Variants in RASSF9 observed in about 807,000 individuals in gnomAD.
The protein encoded by RASSF9 is Ras association domain family member 9.
Under a neutral mutation model 21.4 loss-of-function variants are expected in RASSF9, and 18 were observed. That is an observed-to-expected ratio of 0.84 (90% CI 0.58 to 1.25). RASSF9 has a LOEUF of 1.25. Among genes scored for constraint, RASSF9 ranks in the 50% most tolerant of loss-of-function variants. The pLI, the probability that RASSF9 is intolerant of heterozygous loss-of-function variation, is 0.00. For missense variants in RASSF9, 480 were observed against 503.2 expected, an observed-to-expected ratio of 0.95 and a Z score of 0.44; for synonymous variants, 183 against 179.1, an observed-to-expected ratio of 1.02 and a Z score of -0.18.
At chr12:85,821,543 G>T (rs555720383) in intron 1 of RASSF9, among the ~76,000 whole-genome samples, 3 of 151,714 alleles carry the variant, frequency 2.0e-5, no homozygotes, top group South Asian at 2.1e-4. Context: ...TTGAAAATTG[G>T]AGTCTTTCAG....
At chr12:85,827,772 C>G (rs994261313) in intron 1 of RASSF9, among the ~76,000 whole-genome samples, 3 of 152,194 alleles carry the variant, frequency 2.0e-5, no homozygotes, top group African/African-American at 7.2e-5. Context: ...TCATTACAGT[C>G]TTAACTAACA....
Position 85,804,460 on chromosome 12 carries a change from G to A in RASSF9, c.*242C>T, listed in dbSNP as rs369014491. The A allele has an allele frequency of 5.0e-6, 2 of 403,908 alleles. No homozygotes were observed. Among genetic ancestry groups the A allele is most frequent in the Admixed American group, 8.0e-5 (2 of 24,914 alleles). 25.0% of individuals were successfully genotyped at this position (403,908 alleles called of 1,614,324 possible). On this transcript the variant is annotated 3_prime_UTR_variant, in exon 2 of 2. Coordinates refer to ENST00000361228, the MANE Select transcript of RASSF9 (RefSeq NM_005447.4). The stretch of plus-strand genomic sequence containing the variant: ...ATGATTCCCATCAAATTATTTCTGT[G>A]TTCTACAACGACAAGCTATTTGTGC...
At chr12:85,815,175 GAAAA>G (rs530228710) in intron 1 of RASSF9, among the ~76,000 whole-genome samples, 1 of 149,412 alleles carries the variant, frequency 6.7e-6, no homozygotes, top group Non-Finnish European at 1.5e-5. Flanking sequence ...GAGAGAGAGA[GAAAA>G]AAAAACCAAA....
At chr12:85,821,465 G>T (rs771924243) in intron 1 of RASSF9, among the ~76,000 whole-genome samples, 3 of 152,076 alleles carry the variant, frequency 2.0e-5, no homozygotes, top group South Asian at 2.1e-4. Context: ...GATAGATAAA[G>T]CATGAAATAT....
At chr12:85,833,828 T>G (rs1880505266) in intron 1 of RASSF9, among the ~76,000 whole-genome samples, 1 of 152,040 alleles carries the variant, frequency 6.6e-6, no homozygotes, top group African/African-American at 2.4e-5. Context: ...TATGTCTGTA[T>G]TTGAAGAATA....
At chr12:85,824,905 A>C (rs1429700698) in intron 1 of RASSF9, among the ~76,000 whole-genome samples, 1 of 151,906 alleles carries the variant, frequency 6.6e-6, no homozygotes, top group African/African-American at 2.4e-5. Context: ...TCTAACTCTT[A>C]CTCTGCTTTA....
chr12:85,816,964 A>T (rs1880082902), intron 1 of RASSF9, among the ~76,000 whole-genome samples: 1 of 152,162 alleles, frequency 6.6e-6, no homozygotes, highest in Non-Finnish European at 1.5e-5. Context: ...TAACTCAAAG[A>T]TGCCAAGTTC....
chr12:85,833,022 T>A (rs914104535), intron 1 of RASSF9, among the ~76,000 whole-genome samples: 2 of 151,910 alleles, frequency 1.3e-5, no homozygotes, highest in Admixed American at 1.3e-4. Flanking sequence ...TTAGGCTTTA[T>A]ATTTAGGCAT....
At position 85,805,202 on chromosome 12, in the gene RASSF9, C is replaced by T; in HGVS notation, c.808G>A (p.Glu270Lys). 1.2e-6 allele frequency: 2 copies of T among 1,613,838 alleles called. No homozygotes were observed. Among genetic ancestry groups the T allele is most frequent in the Non-Finnish European group, 1.7e-6 (2 of 1,179,898 alleles). The change falls in exon 2 of 2, where the codon GAA (glutamate) becomes AAA (lysine). Residue 270 changes from glutamate (E) to lysine (K), a missense_variant. Physicochemically the swap from Glu to Lys is moderately conservative, Grantham distance 56 (BLOSUM62 1). Transcript: ENST00000361228. ...LSESDGIEQL[E>K]ERLKYYRILI... ...ATTCGGTAATATTTCAGTCGTTCTTCCAGCTGTTCAATTCCATCACTTTCG... is the reference window on the plus strand; with the variant it reads ...ATTCGGTAATATTTCAGTCGTTCTTTCAGCTGTTCAATTCCATCACTTTCG...
At position 85,836,222 on chromosome 12, in the gene RASSF9, A is replaced by C. The variant is rs1433980207; in HGVS notation, c.-21T>G. 1.3e-6 allele frequency: 2 copies of C among 1,547,468 alleles called. No homozygotes were observed. The highest frequency in any genetic ancestry group is 4.9e-5 in the East Asian group (2 of 40,788). ...GCCATGGTCTGTCGGGCAAACGAAT[A>C]AAGAAATTATCTTAAAGTGATCTGA... On this transcript the variant is annotated 5_prime_UTR_variant, in exon 1 of 2. Transcript: ENST00000361228.
intron 1 of RASSF9, among the ~76,000 whole-genome samples, chr12:85,827,597 T>A (rs1158840509): frequency 1.3e-5 from 2 of 152,204 alleles, no homozygotes; most frequent in Admixed American, 1.3e-4. Flanking sequence ...ATACTCCATC[T>A]AGGTCCTCAA....
intron 1 of RASSF9, among the ~76,000 whole-genome samples, chr12:85,827,620 C>T (rs967830849): frequency 6.6e-6 from 1 of 152,212 alleles, no homozygotes; most frequent in African/African-American, 2.4e-5. Flanking sequence ...ACATTCCCTA[C>T]TCGTAAGCCC....
At position 85,805,013 on chromosome 12, in the gene RASSF9, G is replaced by GA. The variant is rs1339155515; in HGVS notation, c.996dup (p.His333SerfsTer12). 3 of 1,613,820 alleles carry GA rather than the reference G, an allele frequency of 1.9e-6. No homozygotes were observed. The African/African-American group carries it at 4.0e-5, about 22-fold the overall frequency. On this transcript the variant is annotated frameshift_variant, in exon 2 of 2. Transcript: ENST00000361228. LOFTEE classifies it high-confidence loss of function. ...TTCTGGATGCCACTCAAATGAGAGT[G>GA]AATTTTCAAACCAGCTTTCATGCTT... is the stretch of plus-strand genomic sequence containing the variant.
At chr12:85,822,216 G>A (rs1280246127) in intron 1 of RASSF9, among the ~76,000 whole-genome samples, 1 of 152,174 alleles carries the variant, frequency 6.6e-6, no homozygotes, top group African/African-American at 2.4e-5. Flanking sequence ...ATTTCCTAAT[G>A]ATAATGATTT....
intron 1 of RASSF9, among the ~76,000 whole-genome samples, chr12:85,835,390 T>C (rs1019956371): frequency 9.9e-5 from 15 of 152,138 alleles, no homozygotes; most frequent in Non-Finnish European, 2.9e-5. Context: ...AAGACAGACA[T>C]ACTGTCCCTA....
Position 85,805,264 on chromosome 12 carries a change from A to C in RASSF9, c.746T>G (p.Leu249Trp). 1 of 1,613,634 alleles carries C rather than the reference A, an allele frequency of 6.2e-7. No homozygotes were observed. Residue 249 changes from leucine to tryptophan, a missense_variant, in exon 2 of 2, where the codon TTG (leucine) becomes TGG (tryptophan). Coordinates refer to ENST00000361228, the MANE Select transcript of RASSF9 (RefSeq NM_005447.4). The stretch of plus-strand genomic sequence containing the variant: ...CAGAGTCTGGTTTTCCTCATACTGC[A>C]AGTCTAGATTTTGCTCAACTTCACT... The part of the protein sequence containing the change: ...SFSEVEQNLD[L>W]QYEENQTLED...
Position 85,802,336 on chromosome 12 carries a change from A to G in RASSF9, c.*2366T>C, listed in dbSNP as rs969604086. 2 of 152,186 alleles carry G rather than the reference A, an allele frequency of 1.3e-5. No individual in the cohort carries two copies. The highest frequency in any genetic ancestry group is 2.9e-5 in the Non-Finnish European group (2 of 68,022). 9.4% of individuals were successfully genotyped at this position (152,186 alleles called of 1,614,324 possible). A position where few individuals can be genotyped will look rare whatever the true frequency, so the allele number is the denominator to read the frequency against. On this transcript the variant is annotated 3_prime_UTR_variant, in exon 2 of 2. Transcript: ENST00000361228. ...TACTTCTATTTGTGTTAATATATTAACATGTAACTGTAAATTAAGAGGTTC... is the reference window on the plus strand; with the variant it reads ...TACTTCTATTTGTGTTAATATATTAGCATGTAACTGTAAATTAAGAGGTTC...
intron 1 of RASSF9, among the ~76,000 whole-genome samples, chr12:85,808,670 G>A (rs1328349645): frequency 6.6e-6 from 1 of 151,920 alleles, no homozygotes; most frequent in Non-Finnish European, 1.5e-5. Context: ...TTTTAATTAT[G>A]TGCATGCAAT....
chr12:85,805,734 T>C lies in RASSF9; in HGVS notation c.276A>G (p.Pro92=), dbSNP rs757100567. Reference sequence around the variant, plus strand: ...TCCAAAGCTTCAGGATTCTAGTTAGTGGAGGAAGAACCCTTTCGGAGCCTC... The same window carrying C: ...TCCAAAGCTTCAGGATTCTAGTTAGCGGAGGAAGAACCCTTTCGGAGCCTC... ...KWRGSERVLP[P]LTRILKLWKA... is the part of the protein sequence containing the mutation. The change falls in exon 2 of 2, where the codon CCA becomes CCG. Residue 92 remains proline, a synonymous_variant. Coordinates refer to ENST00000361228, the MANE Select transcript of RASSF9 (RefSeq NM_005447.4). 5 of 1,613,800 alleles carry C rather than the reference T, an allele frequency of 3.1e-6. No homozygotes were observed. In the African/African-American group the frequency reaches 4.0e-5, roughly 13 times the overall value.
Sources: gnomAD v4.1 joint callset for allele counts (sites outside exome capture counted in the v4.1 genomes callset) on GRCh38, gnomAD v4.1.1 for gene constraint, MANE v1.5 for transcripts, NCBI Gene and HGNC (gene_info 2026-07-23, HGNC 2026-07-21) for gene names.